MEN1: variants seen among roughly 807,000 people sequenced by gnomAD.
The protein encoded by MEN1 is menin.
In MEN1, 6 loss-of-function variants were observed where a neutral mutation model predicts 58.0. The ratio of observed to expected loss-of-function variants is 0.10; its 90% CI spans 0.06 to 0.20. The LOEUF (loss-of-function observed/expected upper bound fraction) is 0.20. Ranked by LOEUF, MEN1 falls within the 10% of genes least tolerant of loss-of-function variation. The probability of loss-of-function intolerance (pLI) is 1.00; values close to 1 mark genes in which losing one functional copy is unlikely to be tolerated. For missense variants in MEN1, 492 were observed against 818.5 expected (o/e 0.60, Z 4.87); for synonymous variants, 346 against 350.7 (o/e 0.99, Z 0.15).
chr11:64,805,759 C>A lies in MEN1; in HGVS notation c.1061G>T (p.Cys354Phe), dbSNP rs904261642. The A allele has an allele frequency of 1.2e-6, 2 of 1,612,664 alleles. No homozygotes were observed. Among genetic ancestry groups the A allele is most frequent in the Non-Finnish European group, 1.7e-6 (2 of 1,179,500 alleles). Residue 354 changes from cysteine (C) to phenylalanine (F), a missense_variant, in exon 8 of 10, where the codon TGC becomes TTC. By Grantham distance (205) the Cys-to-Phe change is radical. Transcript: ENST00000450708. ...TATVIQDYNY[C>F]REDEEIYKEF... ...CTTGTAGATCTCCTCGTCTTCCCGG[C>A]AGTAGTTGTAGCTGTGAGAGCAGTG...
rs753022747 is a variant in MEN1, at chr11:64,804,626, G to C, written c.1541C>G (p.Pro514Arg). 7.5e-6 allele frequency: 12 copies of C among 1,606,964 alleles called. No homozygotes were observed. The highest frequency in any genetic ancestry group is 1.7e-4 in the Middle Eastern group (1 of 5,980). The change falls in exon 10 of 10, where the codon CCC becomes CGC. Residue 514 changes from proline (P) to arginine (R), a missense_variant. Pro to Arg is a moderately radical substitution (Grantham distance 103). This residue lies in a region of MEN1 where 79 missense variants were observed against 82.5 expected (regional missense o/e 0.96). Transcript: ENST00000450708. This position sits in a 1 kb window ranked among gnomAD's most constrained non-coding sequence, Gnocchi z 4.2. ...GACAGTCCCAGGAGGCTTCCGGGGG[G>C]GTCCTGACACTGCACCCTGGCCGGT... ...LGTGQGAVSG[P>R]PRKPPGTVAG...
Position 64,805,777 on chromosome 11 carries a change from G to C in MEN1, c.1050-7C>G. 1 of 1,614,118 alleles carries C rather than the reference G, an allele frequency of 6.2e-7. No individual in the cohort carries two copies. The highest frequency in any genetic ancestry group is 8.5e-7 in the Non-Finnish European group (1 of 1,179,996). ...TTCCCGGCAGTAGTTGTAGCTGTGA[G>C]AGCAGTGGGGTCTCTGTAGGGTCTG... On this transcript the variant is annotated splice_region_variant and splice_polypyrimidine_tract_variant and intron_variant, in intron 7 of 9. Coordinates refer to ENST00000450708, the MANE Select transcript of MEN1 (RefSeq NM_001370259.2).
At chr11:64,808,228 G>T in intron 2 of MEN1, 129 bp from the exon 3 acceptor site, 1 of 829,064 alleles carries the variant, frequency 1.2e-6, no homozygotes, top group Non-Finnish European at 1.9e-6. Context: ...AGATTCTCCT[G>T]CCCACTATCC....
intron 2 of MEN1, among the ~76,000 whole-genome samples, chr11:64,809,403 G>A (rs1269885355): frequency 1.3e-5 from 2 of 152,082 alleles, no homozygotes; most frequent in Non-Finnish European, 2.9e-5. Flanking sequence ...CTGTTCAGTG[G>A]CAAGGGTGGG....
chr11:64,805,920 G>A (rs1941688577), intron 7 of MEN1, 150 bp from the exon 8 acceptor site: 2 of 828,826 alleles, frequency 2.4e-6, no homozygotes, highest in Non-Finnish European at 4.0e-6. Context: ...CAGCCCAGAG[G>A]AAGAAAGCAA....
intron 8 of MEN1, 34 bp from the exon 9 acceptor site, chr11:64,805,232 C>T (rs764971908): frequency 4.4e-6 from 7 of 1,609,074 alleles, no homozygotes; most frequent in Non-Finnish European, 5.9e-6. Context: ...ACAGATCAGT[C>T]TCTTACTCAC....
chr11:64,805,230 G>C (rs760897215), intron 8 of MEN1, 32 bp from the exon 9 acceptor site: 2 of 1,609,690 alleles, frequency 1.2e-6, no homozygotes, highest in East Asian at 4.5e-5. Flanking sequence ...GCACAGATCA[G>C]TCTCTTACTC....
In MEN1 at chr11:64,805,562, GC is replaced by G. The variant is rs1214811166; in HGVS notation, c.1185+72del. On this transcript the variant is annotated intron_variant, in intron 8 of 9. Transcript: ENST00000450708. ...TGCCATCCCTAATCCCGTACATGCA[GC>G]CCCCATGGCCTGTGGAAGGGAGCCC... The G allele has an allele frequency of 1.9e-6, 3 of 1,575,968 alleles. No individual in the cohort carries two copies. In the East Asian group the frequency reaches 6.8e-5, roughly 35 times the overall value.
Position 64,810,070 on chromosome 11 carries a change from G to A in MEN1, c.40C>T (p.Arg14Cys), listed in dbSNP as rs1209178117. 6.2e-7 allele frequency: 1 copy of A among 1,603,060 alleles called. No individual in the cohort carries two copies. The highest frequency in any genetic ancestry group is 1.1e-5 in the South Asian group (1 of 90,096). ...KAAQKTLFPLRSIDDVVRLFA... is the reference protein window; with the variant it reads ...KAAQKTLFPLCSIDDVVRLFA... ...AGGCGCACCACGTCGTCGATGGAGC[G>A]CAGCGGGAACAGCGTCTTCTGGGCG... The change falls in exon 2 of 10, where the codon CGC becomes TGC. Residue 14 changes from arginine (R) to cysteine (C), a missense_variant. By Grantham distance (180) the Arg-to-Cys change is radical. This residue lies in a region of MEN1 where 335 missense variants were observed against 550.3 expected (regional missense o/e 0.61). Coordinates refer to ENST00000450708, the MANE Select transcript of MEN1 (RefSeq NM_001370259.2).
rs2136087952 is a variant in MEN1 at position 64,804,682 on chromosome 11, G to A, written c.1485C>T (p.Pro495=). Residue 495 remains proline, a synonymous_variant, in exon 10 of 10, where the codon CCC becomes CCT. Transcript: ENST00000450708. The surrounding 1 kb of genome is among the most constrained non-coding windows in gnomAD (Gnocchi z 4.2). ...GGCCCTTGTCCAGTGCTGGCTTCTT[G>A]GGCGGCGGGGGCTCCTCTGGCTTGG... is the stretch of plus-strand genomic sequence containing the variant. The part of the protein sequence containing the change: ...RESKPEEPPP[P]KKPALDKGLG... 3 of 1,593,300 alleles carry A rather than the reference G, an allele frequency of 1.9e-6. No homozygotes were observed. The highest frequency in any genetic ancestry group is 2.6e-6 in the Non-Finnish European group (3 of 1,174,804).
chr11:64,803,766 G>C lies in MEN1; in HGVS notation c.*568C>G. The stretch of plus-strand genomic sequence containing the variant: ...TCATAGGCTGGGGGCGGAGTTTTGT[G>C]TCCCAGACTCGGGATACGAAGGAGA... On this transcript the variant is annotated 3_prime_UTR_variant, in exon 10 of 10. Coordinates refer to ENST00000450708, the MANE Select transcript of MEN1 (RefSeq NM_001370259.2). 4.1e-6 allele frequency: 1 copy of C among 242,726 alleles called. No homozygotes were observed. Among genetic ancestry groups the C allele is most frequent in the South Asian group, 1.4e-4 (1 of 7,242 alleles). 15.0% of individuals were successfully genotyped at this position (242,726 alleles called of 1,614,324 possible).
Position 64,804,875 on chromosome 11 carries a change from A to C in MEN1, c.1351-59T>G. 1 of 1,595,810 alleles carries C rather than the reference A, an allele frequency of 6.3e-7. No homozygotes were observed. Among genetic ancestry groups the C allele is most frequent in the East Asian group, 2.2e-5 (1 of 44,824 alleles). On this transcript the variant is annotated intron_variant, in intron 9 of 9. Coordinates refer to ENST00000450708, the MANE Select transcript of MEN1 (RefSeq NM_001370259.2). This position sits in a 1 kb window ranked among gnomAD's most constrained non-coding sequence, Gnocchi z 4.2. ...GTTGCCGGCCAGTGGCTGGAACTCCAGGACCCTGCTCTGGCCATCCCATCC... is the reference window on the plus strand; with the variant it reads ...GTTGCCGGCCAGTGGCTGGAACTCCCGGACCCTGCTCTGGCCATCCCATCC...
chr11:64,808,231 C>G, intron 2 of MEN1, 132 bp from the exon 3 acceptor site: 1 of 803,584 alleles, frequency 1.2e-6, no homozygotes, highest in Admixed American at 2.1e-5. Flanking sequence ...TTCTCCTGCC[C>G]ACTATCCCTC....
chr11:64,808,071 G>A lies in MEN1; in HGVS notation c.474C>T (p.Ala158=), dbSNP rs772526802. 5.6e-6 allele frequency: 9 copies of A among 1,613,608 alleles called. No homozygotes were observed. Among genetic ancestry groups the A allele is most frequent in the Non-Finnish European group, 7.6e-6 (9 of 1,179,798 alleles). The change falls in exon 3 of 10, where the codon GCC becomes GCT. Residue 158 remains alanine (A), a synonymous_variant. Coordinates refer to ENST00000450708, the MANE Select transcript of MEN1 (RefSeq NM_001370259.2). ...TGTKLDSSGV[A]FAVVGACQAL... is the part of the protein sequence containing the mutation. ...CCTGGCAGGCCCCAACCACAGCAAA[G>A]GCCACACCGGAGCTGTCCAATTTGG...
In MEN1 at chr11:64,804,377, T is replaced by G; in HGVS notation, c.1790A>C (p.Asp597Ala). The change falls in exon 10 of 10, where the codon GAC becomes GCC. Residue 597 changes from aspartate (D) to alanine (A), a missense_variant. Transcript: ENST00000450708. This position sits in a 1 kb window ranked among gnomAD's most constrained non-coding sequence, Gnocchi z 4.2. ...CCGCTTGAGGAAAGACAGAGTGTAG[T>G]CACTAGGGGTGGACACTTTCTGCTT... ...MKKQKVSTPS[D>A]YTLSFLKRQR... 6.2e-7 allele frequency: 1 copy of G among 1,614,128 alleles called. No individual in the cohort carries two copies. Among genetic ancestry groups the G allele is most frequent in the Non-Finnish European group, 8.5e-7 (1 of 1,180,006 alleles).
rs377461506 is a variant in MEN1, at chr11:64,808,102, G to T, written c.446-3C>A. 2 of 1,606,518 alleles carry T rather than the reference G, an allele frequency of 1.2e-6. No homozygotes were observed. Among genetic ancestry groups the T allele is most frequent in the African/African-American group, 2.7e-5 (2 of 74,732 alleles). ...ACCGGAGCTGTCCAATTTGGTGCCT[G>T]TGGAAGGGGGAGGTAATGAAAGAGG... On this transcript the variant is annotated splice_polypyrimidine_tract_variant and splice_region_variant and intron_variant, in intron 2 of 9. Transcript: ENST00000450708.
intron 6 of MEN1, 39 bp downstream of exon 6, chr11:64,806,972 T>C: frequency 6.3e-7 from 1 of 1,590,824 alleles, no homozygotes; most frequent in Non-Finnish European, 8.6e-7. Context: ...TCAGCCACTG[T>C]TAGGGTCTCC....
rs953827589 is a variant in MEN1 at position 64,810,028 on chromosome 11, C to T, written c.82G>A (p.Gly28Ser). ...AGCACCAGGTCCGGCTCCTCTCGGC[C>T]CAGCTCGGCAGCAAACAGGCGCACC... ...DVVRLFAAEL[G>S]REEPDLVLLS... Residue 28 changes from glycine to serine, a missense_variant, in exon 2 of 10, where the codon GGC becomes AGC. Gly to Ser is a moderately conservative substitution (Grantham distance 56, BLOSUM62 0). Around this residue, in one of 5 missense-constraint regions of MEN1, gnomAD observed 335 missense variants for 550.3 expected, o/e 0.61. Transcript: ENST00000450708. 6 of 1,609,340 alleles carry T rather than the reference C, an allele frequency of 3.7e-6. No homozygotes were observed. Among genetic ancestry groups the T allele is most frequent in the Non-Finnish European group, 5.1e-6 (6 of 1,177,958 alleles).
rs2136141399 is a variant in MEN1 at position 64,807,607 on chromosome 11, A to G, written c.728T>C (p.Ile243Thr). Reference protein sequence around the residue: ...KMEVAFMVCAINPSIDLHTDS... With the variant: ...KMEVAFMVCATNPSIDLHTDS... The stretch of plus-strand genomic sequence containing the variant: ...GGTGTGCAGGTCAATGGAAGGGTTG[A>G]TGGCACACACCATGAACGCCACCTC... The change falls in exon 4 of 10, where the codon ATC becomes ACC. Residue 243 changes from isoleucine (I) to threonine (T), a missense_variant. By Grantham distance (89) the Ile-to-Thr change is moderately conservative (BLOSUM62 -1). This residue lies in a region of MEN1 where 335 missense variants were observed against 550.3 expected (regional missense o/e 0.61). Coordinates refer to ENST00000450708, the MANE Select transcript of MEN1 (RefSeq NM_001370259.2). The surrounding 1 kb of genome is among the most constrained non-coding windows in gnomAD (Gnocchi z 4.9). 6.2e-7 allele frequency: 1 copy of G among 1,614,150 alleles called. No individual in the cohort carries two copies. Among genetic ancestry groups the G allele is most frequent in the Non-Finnish European group, 8.5e-7 (1 of 1,180,022 alleles).
Sources: gnomAD v4.1 joint callset for allele counts (sites outside exome capture counted in the v4.1 genomes callset) on GRCh38, gnomAD v4.1.1 for gene constraint, gnomAD v4.1.1 regional missense constraint, Gnocchi (gnomAD v3.1) non-coding constraint, MANE v1.5 for transcripts, NCBI Gene and HGNC (gene_info 2026-07-23, HGNC 2026-07-21) for gene names.